FOXJ3: variants seen among roughly 807,000 people sequenced by gnomAD.
FOXJ3 encodes forkhead box protein J3.
FOXJ3 carries 22 observed loss-of-function variants against 76.1 expected under a neutral mutation model. That is an observed-to-expected ratio of 0.29 (90% CI 0.21 to 0.41). The LOEUF (loss-of-function observed/expected upper bound fraction) is 0.41, where lower values mean the gene tolerates loss of function less well. Ranked by LOEUF, FOXJ3 falls within the 10% of genes least tolerant of loss-of-function variation. FOXJ3 has a pLI of 1.00. For missense variants in FOXJ3, 613 were observed against 762.1 expected, an observed-to-expected ratio of 0.80 and a Z score of 2.30; for synonymous variants, 269 against 261.2, an observed-to-expected ratio of 1.03 and a Z score of -0.29.
chr1:42,305,406 C>T (rs528200235), intron 2 of FOXJ3, among the ~76,000 whole-genome samples: 6 of 152,184 alleles, frequency 3.9e-5, no homozygotes, highest in African/African-American at 1.4e-4. Context: ...TGGGTATATA[C>T]CCAAAAGAAG....
Position 42,278,666 on chromosome 1 carries a change from T to C in FOXJ3, c.51A>G (p.Thr17=), listed in dbSNP as rs1453452159. Residue 17 remains threonine, a synonymous_variant, in exon 3 of 13, where the codon ACA becomes ACG. Coordinates refer to ENST00000361346, the MANE Select transcript of FOXJ3 (RefSeq NM_014947.5). ...ACGTTAGGCTGCTCTCCAGTTCAGA[T>C]GTCATCCTGAAGGTAAATAGACTCC... ...ACPSVTSLRM[T]SELESSLTSM... 3 of 1,610,148 alleles carry C rather than the reference T, an allele frequency of 1.9e-6. No individual in the cohort carries two copies. Among genetic ancestry groups the C allele is most frequent in the East Asian group, 4.5e-5 (2 of 44,832 alleles).
intron 2 of FOXJ3, among the ~76,000 whole-genome samples, chr1:42,281,327 T>C (rs2124682401): frequency 6.6e-6 from 1 of 152,128 alleles, no homozygotes; most frequent in East Asian, 1.9e-4. Flanking sequence ...GCTATGAAGG[T>C]TCAGGAAAAG....
intron 11 of FOXJ3, 83 bp downstream of exon 11, chr1:42,188,654 G>A (rs1334517871): frequency 2.3e-6 from 2 of 867,886 alleles, no homozygotes; most frequent in Admixed American, 2.8e-5. Flanking sequence ...ACCATTAGCA[G>A]CAAACCAAGT....
At chr1:42,269,627 A>G (rs1250761431) in intron 3 of FOXJ3, among the ~76,000 whole-genome samples, 5 of 152,150 alleles carry the variant, frequency 3.3e-5, no homozygotes, top group African/African-American at 1.2e-4. Context: ...CAAACTCAAC[A>G]TATTTAAAAT....
chr1:42,251,267 A>G (rs1272163218), intron 4 of FOXJ3, among the ~76,000 whole-genome samples: 1 of 152,220 alleles, frequency 6.6e-6, no homozygotes, highest in East Asian at 1.9e-4. Flanking sequence ...TTTCATAGAA[A>G]ATAATGGAGG....
intron 6 of FOXJ3, 84 bp from the exon 7 acceptor site, chr1:42,199,314 G>A: frequency 6.7e-6 from 8 of 1,202,386 alleles, no homozygotes; most frequent in Non-Finnish European, 8.3e-6. Flanking sequence ...GCAGGCATAT[G>A]GCAAGAAGAA....
intron 1 of FOXJ3, among the ~76,000 whole-genome samples, chr1:42,328,184 C>A (rs981975839): frequency 6.6e-6 from 1 of 152,094 alleles, no homozygotes; most frequent in East Asian, 1.9e-4. Context: ...TAGTCCCAGC[C>A]ACTTGTGGCG....
chr1:42,267,150 C>T (rs1037882830), intron 3 of FOXJ3, among the ~76,000 whole-genome samples: 5 of 152,014 alleles, frequency 3.3e-5, no homozygotes, highest in Non-Finnish European at 7.4e-5. Flanking sequence ...ACCCTAAGTT[C>T]GAGGGTCTGC....
intron 4 of FOXJ3, among the ~76,000 whole-genome samples, chr1:42,234,304 T>C (rs566377528): frequency 6.7e-6 from 1 of 149,334 alleles, no homozygotes; most frequent in African/African-American, 2.4e-5. Flanking sequence ...ATTTGTTTAA[T>C]TTTTTTTTCA....
chr1:42,301,547 T>C (rs887623001), intron 2 of FOXJ3, among the ~76,000 whole-genome samples: 5 of 152,194 alleles, frequency 3.3e-5, no homozygotes, highest in Admixed American at 6.5e-5. Context: ...TTCATCTGAC[T>C]GGGTTAATTC....
chr1:42,216,482 C>T (rs961171731), intron 5 of FOXJ3, among the ~76,000 whole-genome samples: 2 of 150,932 alleles, frequency 1.3e-5, no homozygotes, highest in Admixed American at 6.6e-5. Flanking sequence ...CGCGCCACTG[C>T]ACTCCAGCCT....
intron 1 of FOXJ3, among the ~76,000 whole-genome samples, chr1:42,320,173 A>T (rs1007670140): frequency 6.6e-6 from 1 of 152,148 alleles, no homozygotes; most frequent in Non-Finnish European, 1.5e-5. Context: ...CTTTTCCTCC[A>T]TATTTTAGGA....
intron 4 of FOXJ3, among the ~76,000 whole-genome samples, chr1:42,240,229 TTTTA>T (rs1649026532): frequency 6.6e-6 from 1 of 152,184 alleles, no homozygotes; most frequent in African/African-American, 2.4e-5. Context: ...CTCATCAGCT[TTTTA>T]AAGACATCAT....
At chr1:42,254,206 G>A (rs1368229237) in intron 4 of FOXJ3, among the ~76,000 whole-genome samples, 2,946 of 150,584 alleles carry the variant, frequency 0.02, 68 homozygotes, top group African/African-American at 0.049. Context: ...CAAAAGACAC[G>A]TGAAAAAATG....
At chr1:42,238,140 C>T (rs1373895608) in intron 4 of FOXJ3, among the ~76,000 whole-genome samples, 1 of 152,130 alleles carries the variant, frequency 6.6e-6, no homozygotes, top group Non-Finnish European at 1.5e-5. Context: ...TCAAGCAATT[C>T]TCCCACCTCA....
At chr1:42,249,916 T>C (rs1649882325) in intron 4 of FOXJ3, among the ~76,000 whole-genome samples, 1 of 152,228 alleles carries the variant, frequency 6.6e-6, no homozygotes, top group African/African-American at 2.4e-5. Context: ...TTCCGAGTTA[T>C]TATACTGAAA....
At chr1:42,232,259 C>T (rs577324109) in intron 4 of FOXJ3, among the ~76,000 whole-genome samples, 2,339 of 108,324 alleles carry the variant, frequency 0.022, 2 homozygotes, top group African/African-American at 0.028. Flanking sequence ...AATAAACATA[C>T]GTGTGCATGT....
chr1:42,197,293 C>A (rs1004574353), intron 7 of FOXJ3, among the ~76,000 whole-genome samples: 7 of 151,844 alleles, frequency 4.6e-5, no homozygotes, highest in Non-Finnish European at 1.0e-4. Context: ...ATTGCTTAAG[C>A]CAGGAGTTCG....
At chr1:42,298,751 C>A (rs1653948428) in intron 2 of FOXJ3, among the ~76,000 whole-genome samples, 1 of 152,062 alleles carries the variant, frequency 6.6e-6, no homozygotes, top group Non-Finnish European at 1.5e-5. Flanking sequence ...AGCTTGAGAT[C>A]TTCCTATCTT....
Sources: allele counts gnomAD v4.1 joint callset (sites outside exome capture counted in the v4.1 genomes callset), GRCh38; gene constraint gnomAD v4.1.1; transcripts MANE v1.5; gene names NCBI Gene and HGNC (gene_info 2026-07-23, HGNC 2026-07-21).